EFL1: variants seen among roughly 807,000 people sequenced by gnomAD.
The protein encoded by EFL1 is elongation factor-like GTPase 1.
Under a neutral mutation model 126.7 loss-of-function variants are expected in EFL1, and 76 were observed. The ratio of observed to expected loss-of-function variants is 0.60; its 90% CI spans 0.50 to 0.73. The LOEUF (loss-of-function observed/expected upper bound fraction) is 0.73, where lower values mean the gene tolerates loss of function less well. EFL1 is among the 30% of genes least tolerant of loss of function. EFL1 has a pLI of 0.00. For synonymous variants in EFL1, 410 were observed against 448.4 expected, an observed-to-expected ratio of 0.91 and a Z score of 1.08; for missense variants, 1,128 against 1,343.2, an observed-to-expected ratio of 0.84 and a Z score of 2.50.
intron 15 of EFL1, among the ~76,000 whole-genome samples, chr15:82,199,278 T>A (rs1159580715): frequency 6.6e-6 from 1 of 152,160 alleles, no homozygotes; most frequent in African/African-American, 2.4e-5. Flanking sequence ...AATTAACTTA[T>A]GACACTAAGA....
intron 19 of EFL1, among the ~76,000 whole-genome samples, chr15:82,136,327 C>G (rs530102090): frequency 6.6e-6 from 1 of 152,234 alleles, no homozygotes; most frequent in African/African-American, 2.4e-5. Context: ...TACTATAACC[C>G]AGTTTTATGC....
intron 17 of EFL1, among the ~76,000 whole-genome samples, chr15:82,156,668 T>G (rs2073971236): frequency 2.0e-5 from 1 of 50,918 alleles, no homozygotes; most frequent in Non-Finnish European, 3.6e-5. Context: ...GTATAAAGAT[T>G]GAGATAAATA....
chr15:82,220,107 T>C lies in EFL1; in HGVS notation c.1415A>G (p.Glu472Gly), dbSNP rs780633739. 6.2e-7 allele frequency: 1 copy of C among 1,612,426 alleles called. No individual in the cohort carries two copies. The highest frequency in any genetic ancestry group is 8.5e-7 in the Non-Finnish European group (1 of 1,179,456). ...TGGCTCCTCTCCTTTTGGACATGTTTCAATGGCACTCCCATCTTGGGTGGG... is the reference window on the plus strand; with the variant it reads ...TGGCTCCTCTCCTTTTGGACATGTTCCAATGGCACTCCCATCTTGGGTGGG... Reference protein sequence around the residue: ...LEPTQDGSAIETCPKGEEPRG... With the variant: ...LEPTQDGSAIGTCPKGEEPRG... Residue 472 changes from glutamate (E) to glycine (G), a missense_variant, in exon 13 of 20, where the codon GAA becomes GGA. Transcript: ENST00000268206.
chr15:82,240,664 A>G, intron 5 of EFL1, 109 bp from the exon 6 acceptor site: 1 of 1,268,716 alleles, frequency 7.9e-7, no homozygotes, highest in Non-Finnish European at 1.1e-6. Flanking sequence ...AGACAAAGGT[A>G]TTCATTAGGC....
intron 15 of EFL1, among the ~76,000 whole-genome samples, chr15:82,196,751 C>T (rs1433194613): frequency 1.3e-5 from 2 of 152,278 alleles, no homozygotes; most frequent in East Asian, 1.9e-4. Flanking sequence ...ATTGTGGCTT[C>T]GGCCGGGAGC....
At chr15:82,151,351 GC>G (rs2073904541) in intron 18 of EFL1, 113 bp downstream of exon 18, 5 of 1,006,832 alleles carry the variant, frequency 5.0e-6, no homozygotes, top group Non-Finnish European at 7.3e-6. Flanking sequence ...TTGTGCCACT[GC>G]ACTCCAGCTG....
intron 15 of EFL1, among the ~76,000 whole-genome samples, chr15:82,189,079 A>G (rs1432743087): frequency 6.6e-6 from 1 of 152,198 alleles, no homozygotes; most frequent in Non-Finnish European, 1.5e-5. Context: ...ACAGCCTACT[A>G]CACACCTAGG....
At chr15:82,138,546 C>T in intron 19 of EFL1, 112 bp downstream of exon 19, 1 of 1,263,026 alleles carries the variant, frequency 7.9e-7, no homozygotes. Flanking sequence ...CTGAGTTGAG[C>T]CATAGGAAGG....
chr15:82,188,918 C>CTTT (rs200171867), intron 15 of EFL1, among the ~76,000 whole-genome samples: 4 of 133,612 alleles, frequency 3.0e-5, no homozygotes, highest in Non-Finnish European at 6.5e-5. Context: ...TGTGTTTATG[C>CTTT]TTTTTTTTTT....
chr15:82,241,332 C>T lies in EFL1; in HGVS notation c.316G>A (p.Ala106Thr), dbSNP rs773536828. The T allele has an allele frequency of 1.4e-5, 22 of 1,613,840 alleles. No individual in the cohort carries two copies. In the East Asian group the frequency reaches 4.0e-4, roughly 29 times the overall value. Reference sequence around the variant, plus strand: ...ATGCATCCATCACAAATGCGAACAGCGGTTGATACTTCTGAGGAAAAGTCC... The same window carrying T: ...ATGCATCCATCACAAATGCGAACAGTGGTTGATACTTCTGAGGAAAAGTCC... ...HVDFSSEVST[A>T]VRICDGCIIV... Residue 106 changes from alanine to threonine, a missense_variant, in exon 5 of 20, where the codon GCT becomes ACT. Ala to Thr is a moderately conservative substitution (Grantham distance 58). Transcript: ENST00000268206.
chr15:82,231,952 A>G (rs754488426), intron 7 of EFL1, among the ~76,000 whole-genome samples: 3 of 152,176 alleles, frequency 2.0e-5, no homozygotes, highest in Non-Finnish European at 4.4e-5. Flanking sequence ...CCGGTGTTTC[A>G]GCACACCCAG....
chr15:82,133,908 G>A (rs747370927), intron 19 of EFL1, among the ~76,000 whole-genome samples: 2 of 152,120 alleles, frequency 1.3e-5, no homozygotes, highest in East Asian at 1.9e-4. Flanking sequence ...GTGAGGAGTC[G>A]GGGGTTGGCA....
chr15:82,142,233 A>G (rs920018642), intron 18 of EFL1, among the ~76,000 whole-genome samples: 1 of 152,216 alleles, frequency 6.6e-6, no homozygotes, highest in Non-Finnish European at 1.5e-5. Context: ...GGTTGAGTAC[A>G]GCGGCTCATC....
chr15:82,230,881 A>G lies in EFL1; in HGVS notation c.822T>C (p.Asn274=), dbSNP rs1167249903. The change falls in exon 8 of 20, where the codon AAT becomes AAC. Residue 274 remains asparagine, a synonymous_variant. Transcript: ENST00000268206. The part of the protein sequence containing the change: ...MKTLWGDYYI[N]MKAKKIMKGD... ...CCTTCATGATCTTTTTAGCCTTCAT[A>G]TTTATATAGTAATCTCCCCACAAGG... 1 of 1,612,844 alleles carries G rather than the reference A, an allele frequency of 6.2e-7. No homozygotes were observed. Among genetic ancestry groups the G allele is most frequent in the Non-Finnish European group, 8.5e-7 (1 of 1,179,380 alleles).
chr15:82,144,319 G>T (rs192686244), intron 18 of EFL1, among the ~76,000 whole-genome samples: 1 of 150,934 alleles, frequency 6.6e-6, no homozygotes, highest in East Asian at 1.9e-4. Flanking sequence ...AACTAGAAAT[G>T]AGTTTACTTT....
At chr15:82,233,916 G>C (rs2074847062) in intron 7 of EFL1, 1 of 152,108 alleles carries the variant, frequency 6.6e-6, no homozygotes, top group African/African-American at 2.4e-5. Context: ...AAAAGTCTCT[G>C]GTGCTTTCAT....
chr15:82,236,028 T>C (rs1006314056), intron 7 of EFL1, among the ~76,000 whole-genome samples: 1 of 152,126 alleles, frequency 6.6e-6, no homozygotes, highest in African/African-American at 2.4e-5. Flanking sequence ...TTCTATATAC[T>C]AGATGAATGT....
chr15:82,228,383 A>AGT, intron 9 of EFL1, 56 bp from the exon 10 acceptor site: 2 of 1,544,398 alleles, frequency 1.3e-6, no homozygotes, highest in Non-Finnish European at 1.7e-6. Context: ...ATAAACAGGC[A>AGT]GTGGAACCCA....
chr15:82,140,570 G>T (rs927069291), intron 18 of EFL1, among the ~76,000 whole-genome samples: 2 of 152,090 alleles, frequency 1.3e-5, no homozygotes, highest in African/African-American at 4.8e-5. Context: ...AATTTGTGTG[G>T]TTTAAATTAA....
Sources: gnomAD v4.1 joint callset for allele counts (sites outside exome capture counted in the v4.1 genomes callset) on GRCh38, gnomAD v4.1.1 for gene constraint, MANE v1.5 for transcripts, NCBI Gene and HGNC (gene_info 2026-07-23, HGNC 2026-07-21) for gene names.